Variants in EYS observed in about 807,000 individuals in gnomAD.
EYS encodes protein eyes shut homolog.
EYS carries 250 observed loss-of-function variants against 282.1 expected under a neutral mutation model. The ratio of observed to expected loss-of-function variants is 0.89; its 90% CI spans 0.80 to 0.98. The LOEUF is 0.98. EYS is among the 50% of genes least tolerant of loss of function. The pLI, the probability that EYS is intolerant of heterozygous loss-of-function variation, is 0.00. For missense variants in EYS, 4,016 were observed against 3,709.0 expected, an observed-to-expected ratio of 1.08 and a Z score of -2.15; for synonymous variants, 1,355 against 1,282.9, an observed-to-expected ratio of 1.06 and a Z score of -1.20.
chr6:64,913,181 C>T (rs1321251451), intron 15 of EYS, among the ~76,000 whole-genome samples: 2 of 152,078 alleles, frequency 1.3e-5, no homozygotes, highest in Non-Finnish European at 2.9e-5. Flanking sequence ...CAAGGTGTTA[C>T]TTTATGTTAA....
chr6:64,636,389 G>T (rs1374236159), intron 22 of EYS, among the ~76,000 whole-genome samples: 1 of 152,194 alleles, frequency 6.6e-6, no homozygotes, highest in Non-Finnish European at 1.5e-5. Context: ...CTAGCCATAT[G>T]TAGAAAGCTG....
chr6:64,651,555 C>T (rs566357565), intron 22 of EYS, among the ~76,000 whole-genome samples: 21 of 152,272 alleles, frequency 1.4e-4, no homozygotes, highest in East Asian at 7.7e-4. Context: ...CAGTGGCTTA[C>T]GCCTGTAATC....
chr6:64,470,894 A>T (rs1338338376), intron 26 of EYS, among the ~76,000 whole-genome samples: 1 of 152,210 alleles, frequency 6.6e-6, no homozygotes, highest in East Asian at 1.9e-4. Flanking sequence ...TGAGTTGGAC[A>T]AAGGCATAGA....
intron 26 of EYS, among the ~76,000 whole-genome samples, chr6:64,473,244 T>G (rs531739211): frequency 6.6e-6 from 1 of 152,320 alleles, no homozygotes; most frequent in South Asian, 2.1e-4. Flanking sequence ...CTAAGTTTAA[T>G]CAGTAACAAT....
chr6:64,291,333 C>T (rs559092891), intron 30 of EYS, among the ~76,000 whole-genome samples: 171 of 151,934 alleles, frequency 1.1e-3, no homozygotes, highest in Non-Finnish European at 2.0e-3. Context: ...AAATATGTAA[C>T]CTCAAATAGT....
chr6:64,642,875 G>A (rs1306459250), intron 22 of EYS, among the ~76,000 whole-genome samples: 2 of 152,198 alleles, frequency 1.3e-5, no homozygotes, highest in Non-Finnish European at 2.9e-5. Context: ...CAGCACTTTG[G>A]GAGGCTGAGG....
intron 26 of EYS, among the ~76,000 whole-genome samples, chr6:64,530,642 C>T (rs1764298392): frequency 2.0e-5 from 3 of 151,976 alleles, no homozygotes; most frequent in South Asian, 4.1e-4. Context: ...CTAATGACTT[C>T]GTTTTTGTGT....
chr6:64,314,026 T>A (rs1769832835), intron 29 of EYS, among the ~76,000 whole-genome samples: 2 of 151,830 alleles, frequency 1.3e-5, no homozygotes, highest in South Asian at 4.2e-4. Context: ...AACACTAACC[T>A]TAAATGTAAA....
At chr6:64,014,847 C>T (rs1768815618) in intron 33 of EYS, among the ~76,000 whole-genome samples, 1 of 151,522 alleles carries the variant, frequency 6.6e-6, no homozygotes, top group South Asian at 2.1e-4. Flanking sequence ...CTTTCTATAC[C>T]CTTTGTCAAA....
intron 7 of EYS, among the ~76,000 whole-genome samples, chr6:65,384,990 A>C (rs1347797360): frequency 1.3e-5 from 2 of 151,954 alleles, no homozygotes; most frequent in African/African-American, 4.8e-5. Context: ...TCATTTTTAA[A>C]ATTGTTTTTC....
At chr6:63,835,256 T>G (rs893192456) in intron 36 of EYS, among the ~76,000 whole-genome samples, 1 of 147,314 alleles carries the variant, frequency 6.8e-6, no homozygotes, top group Non-Finnish European at 1.5e-5. Context: ...TGTGTCTGTG[T>G]GTGTATATAT....
At chr6:63,787,521 T>C in intron 39 of EYS, 1 of 152,254 alleles carries the variant, frequency 6.6e-6, no homozygotes, top group East Asian at 1.9e-4. Flanking sequence ...CCATTGAACT[T>C]ATCACATTAT....
Position 64,230,525 on chromosome 6 carries a change from C to T in EYS, c.6424+67G>A. 4.4e-6 allele frequency: 5 copies of T among 1,127,388 alleles called. No homozygotes were observed. In the South Asian group the frequency reaches 7.5e-5, roughly 17 times the overall value. The allele number at this position is 1,127,388 out of a possible 1,614,324, so 69.8% of individuals were successfully genotyped here. A position where few individuals can be genotyped will look rare whatever the true frequency, so the allele number is the denominator to read the frequency against. Reference sequence around the variant, plus strand: ...CCATCACTAAGTTTACAATACATTTCAACTCCTGTCCATTCTCTGGAGAGG... The same window carrying T: ...CCATCACTAAGTTTACAATACATTTTAACTCCTGTCCATTCTCTGGAGAGG... On this transcript the variant is annotated intron_variant, in intron 31 of 42. Coordinates refer to ENST00000503581, the MANE Select transcript of EYS (RefSeq NM_001142800.2).
At chr6:65,016,156 G>C (rs1012959997) in intron 13 of EYS, among the ~76,000 whole-genome samples, 2 of 150,858 alleles carry the variant, frequency 1.3e-5, no homozygotes, top group Admixed American at 6.6e-5. Flanking sequence ...CCGAGGTTAG[G>C]AGCTCAAGAC....
chr6:64,377,082 T>C (rs886184485), intron 29 of EYS, among the ~76,000 whole-genome samples: 3 of 151,940 alleles, frequency 2.0e-5, no homozygotes, highest in Non-Finnish European at 4.4e-5. Flanking sequence ...TCTAGCTGGA[T>C]GAATAGATAG....
chr6:63,768,009 A>C (rs1464301718), intron 40 of EYS, among the ~76,000 whole-genome samples: 1 of 152,154 alleles, frequency 6.6e-6, no homozygotes, highest in Non-Finnish European at 1.5e-5. Flanking sequence ...TGCTGGGATA[A>C]CTGGCTAGCC....
At chr6:64,419,441 G>A (rs919512264) in intron 28 of EYS, among the ~76,000 whole-genome samples, 2 of 152,106 alleles carry the variant, frequency 1.3e-5, no homozygotes, top group Non-Finnish European at 2.9e-5. Context: ...CTTTCCAACA[G>A]TCCCTCAAAG....
intron 32 of EYS, among the ~76,000 whole-genome samples, chr6:64,080,477 T>C (rs1397348123): frequency 6.6e-6 from 1 of 152,170 alleles, no homozygotes; most frequent in Non-Finnish European, 1.5e-5. Context: ...GATGAGTAGA[T>C]TGCAAAAATT....
At chr6:65,602,143 G>A (rs1765636073) in intron 2 of EYS, among the ~76,000 whole-genome samples, 2 of 151,908 alleles carry the variant, frequency 1.3e-5, no homozygotes, top group Middle Eastern at 3.4e-3. Flanking sequence ...ACAATTTAAA[G>A]TATCTTGTCA....
Sources: allele counts gnomAD v4.1 joint callset (sites outside exome capture counted in the v4.1 genomes callset), GRCh38; gene constraint gnomAD v4.1.1; transcripts MANE v1.5; gene names NCBI Gene and HGNC (gene_info 2026-07-23, HGNC 2026-07-21).